Variants in GAB1 observed in about 807,000 individuals in gnomAD.
The protein encoded by GAB1 is GRB2-associated-binding protein 1.
A neutral mutation model predicts 66.5 loss-of-function variants in GAB1; 19 were observed. The ratio of observed to expected loss-of-function variants is 0.29; its 90% CI spans 0.20 to 0.42. The LOEUF (loss-of-function observed/expected upper bound fraction) is 0.42, where lower values mean the gene tolerates loss of function less well. Ranked by LOEUF, GAB1 falls within the 10% of genes least tolerant of loss-of-function variation. The pLI, the probability that GAB1 is intolerant of heterozygous loss-of-function variation, is 1.00. For missense variants in GAB1, 732 were observed against 858.5 expected (o/e 0.85, Z 1.84); for synonymous variants, 294 against 301.4 (o/e 0.98, Z 0.25).
intron 1 of GAB1, among the ~76,000 whole-genome samples, chr4:143,344,214 A>G (rs1387969099): frequency 1.3e-5 from 2 of 152,132 alleles, no homozygotes; most frequent in African/African-American, 4.8e-5. Flanking sequence ...CTAGCGTCTT[A>G]TTTCGGACTT....
intron 1 of GAB1, among the ~76,000 whole-genome samples, chr4:143,415,136 G>A (rs151036518): frequency 2.0e-3 from 301 of 152,190 alleles, no homozygotes; most frequent in African/African-American, 6.4e-3. Context: ...ATTCTTTTGC[G>A]TATGGATTTC....
At position 143,337,123 on chromosome 4, in the gene GAB1, C is replaced by A. The variant is rs1221266345; in HGVS notation, c.-66C>A. On this transcript the variant is annotated 5_prime_UTR_variant, in exon 1 of 10. Coordinates refer to ENST00000262994, the MANE Select transcript of GAB1 (RefSeq NM_002039.4). ...TCGCCACTGCGCGCTCGGCAGGCGT[C>A]GGCTGTGTCGGGAGCGCGCCCGCCG... 2.6e-5 allele frequency: 37 copies of A among 1,422,810 alleles called. No individual in the cohort carries two copies. In the Admixed American group the frequency reaches 7.6e-4, roughly 29 times the overall value. 88.1% of individuals were successfully genotyped at this position (1,422,810 alleles called of 1,614,324 possible). A position where few individuals can be genotyped will look rare whatever the true frequency, so the allele number is the denominator to read the frequency against.
intron 3 of GAB1, chr4:143,434,187 T>A: frequency 1.6e-6 from 2 of 1,224,444 alleles, no homozygotes; most frequent in Non-Finnish European, 2.1e-6. Context: ...GTTGTGGTGG[T>A]TTTGGATCTG....
At chr4:143,363,280 C>A (rs751663771) in intron 1 of GAB1, among the ~76,000 whole-genome samples, 8 of 152,138 alleles carry the variant, frequency 5.3e-5, no homozygotes, top group Admixed American at 5.2e-4. Flanking sequence ...GTTGTGAGAT[C>A]CTGCTAGGTT....
At chr4:143,453,227 A>T (rs1735015140) in intron 6 of GAB1, among the ~76,000 whole-genome samples, 1 of 152,182 alleles carries the variant, frequency 6.6e-6, no homozygotes, top group Admixed American at 6.5e-5. Flanking sequence ...TCTGCCCTAA[A>T]ATTAACCTTA....
intron 1 of GAB1, among the ~76,000 whole-genome samples, chr4:143,377,783 C>G (rs561700671): frequency 6.6e-6 from 1 of 151,954 alleles, no homozygotes; most frequent in Admixed American, 6.6e-5. Context: ...CTTTTTAGGC[C>G]GTATGTGCTG....
chr4:143,404,655 G>A (rs764263743), intron 1 of GAB1, among the ~76,000 whole-genome samples: 1 of 152,142 alleles, frequency 6.6e-6, no homozygotes, highest in African/African-American at 2.4e-5. Flanking sequence ...ACAGGCTGAG[G>A]TGGGAGGATT....
At chr4:143,421,698 C>CTTTTTTTTTTTTTTTTTTTTTT (rs70953733) in intron 2 of GAB1, among the ~76,000 whole-genome samples, 3 of 118,690 alleles carry the variant, frequency 2.5e-5, no homozygotes, top group South Asian at 2.9e-4. Flanking sequence ...CTTTTCTTTT[C>CTTTTTTTTTTTTTTTTTTTTTT]TTTTTTTTTT....
intron 1 of GAB1, among the ~76,000 whole-genome samples, chr4:143,392,652 G>A (rs1030302715): frequency 4.6e-5 from 7 of 152,134 alleles, no homozygotes; most frequent in Admixed American, 3.9e-4. Context: ...GGAGTCCTAA[G>A]TTAATAGTTA....
intron 1 of GAB1, among the ~76,000 whole-genome samples, chr4:143,359,524 A>G (rs1581224860): frequency 6.6e-6 from 1 of 152,184 alleles, no homozygotes; most frequent in African/African-American, 2.4e-5. Context: ...TACTGTGTCC[A>G]GTTGTAGGAT....
rs1383954501 is a variant in GAB1 at position 143,337,367 on chromosome 4, G to A, written c.72+107G>A. On this transcript the variant is annotated intron_variant, in intron 1 of 9. Coordinates refer to ENST00000262994, the MANE Select transcript of GAB1 (RefSeq NM_002039.4). Reference sequence around the variant, plus strand: ...CCGCGCGCGGGGCTGGTTCTTAAACGAATGCCGGTCTCTTTCCCCTTGGCC... The same window carrying A: ...CCGCGCGCGGGGCTGGTTCTTAAACAAATGCCGGTCTCTTTCCCCTTGGCC... 3 of 927,816 alleles carry A rather than the reference G, an allele frequency of 3.2e-6. No individual in the cohort carries two copies. The African/African-American group carries it at 5.0e-5, about 15-fold the overall frequency. 57.5% of individuals were successfully genotyped at this position (927,816 alleles called of 1,614,324 possible). A position where few individuals can be genotyped will look rare whatever the true frequency, so the allele number is the denominator to read the frequency against.
intron 2 of GAB1, among the ~76,000 whole-genome samples, chr4:143,416,269 T>G (rs997496131): frequency 2.6e-5 from 4 of 151,972 alleles, no homozygotes; most frequent in African/African-American, 9.7e-5. Context: ...TTAGCCGGGC[T>G]TGGTGGCAGG....
At chr4:143,359,751 A>G (rs1581225041) in intron 1 of GAB1, among the ~76,000 whole-genome samples, 2 of 152,174 alleles carry the variant, frequency 1.3e-5, no homozygotes, top group Middle Eastern at 6.8e-3. Flanking sequence ...TTCCTTCCCT[A>G]CTGGGTCTCT....
At chr4:143,467,147 T>C (rs980393131) in intron 9 of GAB1, among the ~76,000 whole-genome samples, 2 of 152,188 alleles carry the variant, frequency 1.3e-5, no homozygotes, top group African/African-American at 4.8e-5. Flanking sequence ...AAACACAGTT[T>C]TCTTGAGTTT....
intron 1 of GAB1, among the ~76,000 whole-genome samples, chr4:143,400,715 C>A (rs1436790491): frequency 6.6e-6 from 1 of 152,132 alleles, no homozygotes; most frequent in African/African-American, 2.4e-5. Flanking sequence ...CGTCTGTAAT[C>A]CCAGCACTTT....
At chr4:143,415,430 CATT>C in intron 1 of GAB1, 44 bp from the exon 2 acceptor site, 2 of 1,395,246 alleles carry the variant, frequency 1.4e-6, no homozygotes, top group South Asian at 1.4e-5. Context: ...TTCTTGAAAA[CATT>C]ATCTCAAGTT....
At chr4:143,337,364 A>C in intron 1 of GAB1, 104 bp downstream of exon 1, 1 of 947,804 alleles carries the variant, frequency 1.1e-6, no homozygotes, top group Non-Finnish European at 1.6e-6. Flanking sequence ...CTGGTTCTTA[A>C]ACGAATGCCG....
intron 1 of GAB1, among the ~76,000 whole-genome samples, chr4:143,363,257 T>C (rs1032362952): frequency 1.3e-5 from 2 of 152,214 alleles, no homozygotes; most frequent in Admixed American, 6.5e-5. Context: ...CCACTACTTA[T>C]CATTTATCAT....
chr4:143,446,572 T>G (rs1226039257), intron 6 of GAB1, among the ~76,000 whole-genome samples: 1 of 152,178 alleles, frequency 6.6e-6, no homozygotes, highest in Non-Finnish European at 1.5e-5. Flanking sequence ...TCATGTGTCT[T>G]CTGGCTGCAT....
Sources: gnomAD v4.1 joint callset for allele counts (sites outside exome capture counted in the v4.1 genomes callset) on GRCh38, gnomAD v4.1.1 for gene constraint, MANE v1.5 for transcripts, NCBI Gene and HGNC (gene_info 2026-07-23, HGNC 2026-07-21) for gene names.